The following SCFD2 variants were observed in gnomAD, a reference collection of about 807,000 sequenced individuals.
The protein encoded by SCFD2 is sec1 family domain containing 2.
A neutral mutation model predicts 58.9 loss-of-function variants in SCFD2; 54 were observed. The ratio of observed to expected loss-of-function variants is 0.92; its 90% CI spans 0.74 to 1.15. The LOEUF is 1.15. Ranked by LOEUF, SCFD2 falls within the 50% of genes most tolerant of loss-of-function variation. The probability of loss-of-function intolerance (pLI) is 0.00; values close to 1 mark genes in which losing one functional copy is unlikely to be tolerated. For synonymous variants in SCFD2, 321 were observed against 335.9 expected, an observed-to-expected ratio of 0.96 and a Z score of 0.49; for missense variants, 805 against 836.6, an observed-to-expected ratio of 0.96 and a Z score of 0.47.
intron 4 of SCFD2, among the ~76,000 whole-genome samples, chr4:53,261,247 C>T (rs534490581): frequency 1.3e-4 from 20 of 151,998 alleles, no homozygotes; most frequent in African/African-American, 4.1e-4. Flanking sequence ...CTGCTCTGAT[C>T]TTTGTTATGT....
intron 5 of SCFD2, among the ~76,000 whole-genome samples, chr4:53,121,730 C>T (rs1208429483): frequency 1.3e-5 from 2 of 152,194 alleles, no homozygotes; most frequent in Admixed American, 6.5e-5. Context: ...AAGTGGCAAT[C>T]CATGTGATCT....
intron 7 of SCFD2, among the ~76,000 whole-genome samples, chr4:52,886,513 C>T (rs1718745414): frequency 6.6e-6 from 1 of 152,228 alleles, no homozygotes; most frequent in Admixed American, 6.5e-5. Context: ...GCCTGCCTAG[C>T]CACAGGCTAA....
At chr4:53,249,613 A>G (rs1270944001) in intron 4 of SCFD2, among the ~76,000 whole-genome samples, 1 of 152,226 alleles carries the variant, frequency 6.6e-6, no homozygotes, top group African/African-American at 2.4e-5. Flanking sequence ...TCTCTCGGCA[A>G]AAACTCTACA....
At chr4:52,887,424 A>C (rs1718764673) in intron 7 of SCFD2, among the ~76,000 whole-genome samples, 1 of 152,206 alleles carries the variant, frequency 6.6e-6, no homozygotes, top group South Asian at 2.1e-4. Context: ...AAAACGACCA[A>C]TAACTAGACT....
At chr4:53,299,346 T>G (rs1417481108) in intron 3 of SCFD2, among the ~76,000 whole-genome samples, 1 of 152,104 alleles carries the variant, frequency 6.6e-6, no homozygotes, top group Admixed American at 6.6e-5. Flanking sequence ...AGGGTATCAG[T>G]GATGGAAGAT....
At chr4:52,942,979 T>G (rs1321442128) in intron 5 of SCFD2, among the ~76,000 whole-genome samples, 1 of 151,188 alleles carries the variant, frequency 6.6e-6, no homozygotes, top group African/African-American at 2.4e-5. Flanking sequence ...ACAAGGGAAT[T>G]TGGTACTATC....
intron 4 of SCFD2, among the ~76,000 whole-genome samples, chr4:53,216,024 G>A (rs1728817921): frequency 6.6e-6 from 1 of 152,186 alleles, no homozygotes. Context: ...AAGCTTTCTT[G>A]ATGTGCTGCT....
chr4:53,103,165 T>C (rs1724878059), intron 5 of SCFD2, among the ~76,000 whole-genome samples: 1 of 152,110 alleles, frequency 6.6e-6, no homozygotes, highest in African/African-American at 2.4e-5. Context: ...AGGGAGAACA[T>C]AATAAATATA....
rs144248086 is a variant in SCFD2 at position 52,890,560 on chromosome 4, T to G, written c.1843-4694A>C. On this transcript the variant is annotated intron_variant, in intron 7 of 8. Transcript: ENST00000401642. Reference sequence around the variant, plus strand: ...TACATGACTGAGTCCTGTTTGCATGTTTGCATGTTAGTTCATGGTATAAGG... The same window carrying G: ...TACATGACTGAGTCCTGTTTGCATGGTTGCATGTTAGTTCATGGTATAAGG... Among the ~76,000 whole-genome samples the G allele has an allele frequency of 2.7e-3, 415 of 152,322 alleles. 1 individual carries two copies. Among genetic ancestry groups the G allele is most frequent in the African/African-American group, 9.4e-3 (390 of 41,566 alleles).
In SCFD2 at chr4:53,267,875, T is replaced by A. The variant is rs573609576; in HGVS notation, c.1311+5951A>T. Among the ~76,000 whole-genome samples the A allele has an allele frequency of 3.9e-5, 6 of 152,332 alleles. No homozygotes were observed. In the East Asian group the frequency reaches 1.2e-3, roughly 29 times the overall value. On this transcript the variant is annotated intron_variant, in intron 4 of 8. Coordinates refer to ENST00000401642, the MANE Select transcript of SCFD2 (RefSeq NM_152540.4). ...AAATTAATTACAAATAAAAAATGGC[T>A]TAGAATTAATATGTCAAATTTCTTC...
chr4:53,276,282 T>C (rs1205405696), intron 3 of SCFD2, among the ~76,000 whole-genome samples: 4 of 152,106 alleles, frequency 2.6e-5, no homozygotes, highest in Admixed American at 2.0e-4. Flanking sequence ...ATACAGTCCA[T>C]TGAAATGCAG....
At chr4:53,091,123 G>A (rs1041731497) in intron 5 of SCFD2, among the ~76,000 whole-genome samples, 2 of 152,042 alleles carry the variant, frequency 1.3e-5, no homozygotes, top group African/African-American at 4.8e-5. Flanking sequence ...TACTATTATA[G>A]TCATTCACAG....
intron 4 of SCFD2, among the ~76,000 whole-genome samples, chr4:53,235,931 G>A (rs1258751159): frequency 6.6e-6 from 1 of 152,182 alleles, no homozygotes; most frequent in Non-Finnish European, 1.5e-5. Context: ...GGCAATCTAT[G>A]GACTGAGGAG....
chr4:52,940,104 T>C (rs1309554165), intron 5 of SCFD2, among the ~76,000 whole-genome samples: 2 of 152,238 alleles, frequency 1.3e-5, no homozygotes, highest in Admixed American at 6.5e-5. Flanking sequence ...CTACGACTCT[T>C]GGTCACATTT....
At chr4:53,284,457 T>C (rs1731603119) in intron 3 of SCFD2, among the ~76,000 whole-genome samples, 1 of 152,194 alleles carries the variant, frequency 6.6e-6, no homozygotes, top group Non-Finnish European at 1.5e-5. Flanking sequence ...TTTATATATG[T>C]TGTCATTTGA....
intron 2 of SCFD2, among the ~76,000 whole-genome samples, chr4:53,330,612 G>C (rs1412638452): frequency 6.6e-6 from 1 of 151,892 alleles, no homozygotes; most frequent in Non-Finnish European, 1.5e-5. Context: ...ACATGGAAAG[G>C]AACAACCAGT....
chr4:52,989,041 T>C (rs961209797), intron 5 of SCFD2, among the ~76,000 whole-genome samples: 1 of 152,216 alleles, frequency 6.6e-6, no homozygotes, highest in African/African-American at 2.4e-5. Flanking sequence ...CTCCATTTTA[T>C]AGAAAGAGAA....
At chr4:53,251,347 A>G (rs1306231474) in intron 4 of SCFD2, among the ~76,000 whole-genome samples, 2 of 152,176 alleles carry the variant, frequency 1.3e-5, no homozygotes, top group Non-Finnish European at 2.9e-5. Flanking sequence ...TATTCCAATC[A>G]ATAGAAAAAG....
intron 3 of SCFD2, among the ~76,000 whole-genome samples, chr4:53,310,958 C>G (rs2149108723): frequency 6.6e-6 from 1 of 152,240 alleles, no homozygotes; most frequent in Non-Finnish European, 1.5e-5. Flanking sequence ...TCAGTAGAAA[C>G]TATAGCAAGG....
Sources: allele counts gnomAD v4.1 joint callset (sites outside exome capture counted in the v4.1 genomes callset), GRCh38; gene constraint gnomAD v4.1.1; transcripts MANE v1.5; gene names NCBI Gene and HGNC (gene_info 2026-07-23, HGNC 2026-07-21).